Variants in SLCO1A2 observed in about 807,000 individuals in gnomAD.
SLCO1A2 encodes solute carrier organic anion transporter family member 1A2.
A neutral mutation model predicts 69.0 loss-of-function variants in SLCO1A2; 67 were observed. That is an observed-to-expected ratio of 0.97 (90% CI 0.80 to 1.19). The LOEUF (loss-of-function observed/expected upper bound fraction) is 1.19. SLCO1A2 is among the 50% of genes most tolerant of loss of function. The pLI, the probability that SLCO1A2 is intolerant of heterozygous loss-of-function variation, is 0.00. For missense variants in SLCO1A2, 787 were observed against 793.7 expected (o/e 0.99, Z 0.10); for synonymous variants, 260 against 265.9 (o/e 0.98, Z 0.22).
At chr12:21,308,579 C>T (rs1041172359) in intron 4 of SLCO1A2, among the ~76,000 whole-genome samples, 3 of 152,072 alleles carry the variant, frequency 2.0e-5, no homozygotes, top group African/African-American at 7.2e-5. Context: ...GCACACTGAG[C>T]ATAGAAAGGC....
chr12:21,294,938 G>GA (rs1947478181), intron 10 of SLCO1A2: 1 of 151,902 alleles, frequency 6.6e-6, no homozygotes. Context: ...TGATAATTTT[G>GA]AAAAAACATT....
chr12:21,418,755 C>A (rs1942029802), upstream of SLCO1A2, among the ~76,000 whole-genome samples: 1 of 152,008 alleles, frequency 6.6e-6, no homozygotes, highest in African/African-American at 2.4e-5. Context: ...ACAGCCAAAC[C>A]ATATCAGTCA....
intron 1 of SLCO1A2, among the ~76,000 whole-genome samples, chr12:21,389,795 C>A (rs1264389868): frequency 6.6e-6 from 1 of 151,532 alleles, no homozygotes; most frequent in East Asian, 1.9e-4. Flanking sequence ...GAAAAAGACT[C>A]ATGCACCCAC....
rs1309323877 is a variant in SLCO1A2, at chr12:21,268,451, A to G, written c.*1097T>C. 1 of 152,148 alleles carries G rather than the reference A, an allele frequency of 6.6e-6. No homozygotes were observed. Among genetic ancestry groups the G allele is most frequent in the East Asian group, 1.9e-4 (1 of 5,200 alleles). The allele number at this position is 152,148 out of a possible 1,614,324, so 9.4% of individuals were successfully genotyped here. A position where few individuals can be genotyped will look rare whatever the true frequency, so the allele number is the denominator to read the frequency against. ...CAACAGGAAGGAGAGTAAGGAGTAG[A>G]CAAACAGGTATTTGTCTGTTCATTC... On this transcript the variant is annotated 3_prime_UTR_variant, in exon 15 of 15. Coordinates refer to ENST00000683939, the MANE Select transcript of SLCO1A2 (RefSeq NM_001386879.1).
intron 4 of SLCO1A2, among the ~76,000 whole-genome samples, chr12:21,310,222 C>T (rs931080271): frequency 2.0e-5 from 3 of 152,034 alleles, no homozygotes; most frequent in African/African-American, 4.8e-5. Context: ...CAGATTGCCA[C>T]AATAAAGTGA....
chr12:21,367,051 G>A (rs913517683), intron 2 of SLCO1A2, among the ~76,000 whole-genome samples: 6 of 152,186 alleles, frequency 3.9e-5, no homozygotes, highest in South Asian at 2.1e-4. Flanking sequence ...AAGCATATCA[G>A]CCTGAATTTA....
At chr12:21,346,569 T>C (rs761440350) in intron 2 of SLCO1A2, among the ~76,000 whole-genome samples, 5 of 152,048 alleles carry the variant, frequency 3.3e-5, no homozygotes, top group East Asian at 1.9e-4. Flanking sequence ...ATGACTTTTG[T>C]TCTTGCTTCA....
At chr12:21,375,993 A>C (rs772851308) in intron 1 of SLCO1A2, among the ~76,000 whole-genome samples, 4 of 152,230 alleles carry the variant, frequency 2.6e-5, no homozygotes, top group Admixed American at 6.5e-5. Flanking sequence ...TTTAGATAGA[A>C]TCTTATATAT....
At chr12:21,358,729 AAAAT>A (rs1408530043) in intron 2 of SLCO1A2, among the ~76,000 whole-genome samples, 1 of 149,192 alleles carries the variant, frequency 6.7e-6, no homozygotes, top group Non-Finnish European at 1.5e-5. Flanking sequence ...AATTAAAAGA[AAAAT>A]AAAAAGCGGT....
At chr12:21,373,262 A>C (rs1939931397) in intron 2 of SLCO1A2, 1 of 923,180 alleles carries the variant, frequency 1.1e-6, no homozygotes. Flanking sequence ...TTTAAAAACT[A>C]AGCTCTAATT....
intron 11 of SLCO1A2, among the ~76,000 whole-genome samples, chr12:21,293,370 CAT>C (rs935501588): frequency 3.6e-4 from 55 of 152,116 alleles, no homozygotes; most frequent in African/African-American, 1.3e-3. Context: ...TGAATTGTTA[CAT>C]GTTTCCAGGT....
Position 21,290,339 on chromosome 12 carries a change from G to A in SLCO1A2, c.1610+1825C>T, listed in dbSNP as rs139618810. ...TAAAGATCCACAGACAGCAAAATAA[G>A]TTTGAGAAAGAAAGAATAAAGGAAA... On this transcript the variant is annotated intron_variant, in intron 12 of 14. Transcript: ENST00000683939. 1.9e-3 allele frequency among the ~76,000 whole-genome samples: 284 copies of A among 152,196 alleles called. 1 individual carries two copies. The highest frequency in any genetic ancestry group is 6.5e-3 in the African/African-American group (270 of 41,550).
chr12:21,408,714 G>A (rs1424395140), intron 1 of SLCO1A2, among the ~76,000 whole-genome samples: 1 of 15,350 alleles, frequency 6.5e-5, no homozygotes, highest in Non-Finnish European at 1.8e-4. Flanking sequence ...CAGCGCATGC[G>A]TGTGTGTGTG....
chr12:21,346,828 T>C (rs939532769), intron 2 of SLCO1A2, among the ~76,000 whole-genome samples: 13 of 152,338 alleles, frequency 8.5e-5, no homozygotes, highest in African/African-American at 2.9e-4. Flanking sequence ...ACATACACCA[T>C]TGGTGCCATT....
chr12:21,325,509 T>A (rs952189002), intron 2 of SLCO1A2, among the ~76,000 whole-genome samples: 16 of 152,182 alleles, frequency 1.1e-4, no homozygotes, highest in African/African-American at 2.4e-5. Context: ...CTTTTTTCAA[T>A]CTTCATCTTA....
At chr12:21,397,343 C>T (rs1262448750), upstream of SLCO1A2, among the ~76,000 whole-genome samples, 1 of 152,060 alleles carries the variant, frequency 6.6e-6, no homozygotes, top group Admixed American at 6.6e-5. Flanking sequence ...TATATGTGCA[C>T]CCAATACAGG....
intron 12 of SLCO1A2, among the ~76,000 whole-genome samples, chr12:21,290,072 T>A (rs1946606392): frequency 6.6e-6 from 1 of 152,088 alleles, no homozygotes; most frequent in African/African-American, 2.4e-5. Flanking sequence ...CATATGTGTG[T>A]GTGCATATAG....
chr12:21,280,870 A>C (rs1158828575), intron 12 of SLCO1A2, among the ~76,000 whole-genome samples: 1 of 152,126 alleles, frequency 6.6e-6, no homozygotes, highest in African/African-American at 2.4e-5. Context: ...ACATCCAAAA[A>C]AAATTGAAAT....
At chr12:21,294,993 A>C (rs1565478314) in intron 10 of SLCO1A2, 2 of 152,138 alleles carry the variant, frequency 1.3e-5, no homozygotes, top group African/African-American at 2.4e-5. Flanking sequence ...TTGATTGTCA[A>C]AATACGCCCT....
Sources: allele counts gnomAD v4.1 joint callset (sites outside exome capture counted in the v4.1 genomes callset), GRCh38; gene constraint gnomAD v4.1.1; transcripts MANE v1.5; gene names NCBI Gene and HGNC (gene_info 2026-07-23, HGNC 2026-07-21).